Variants in MYOM3 observed in about 807,000 individuals in gnomAD.
The protein encoded by MYOM3 is myomesin-3.
A neutral mutation model predicts 191.7 loss-of-function variants in MYOM3; 155 were observed. That is an observed-to-expected ratio of 0.81 (90% CI 0.71 to 0.92). MYOM3 has a LOEUF of 0.92. MYOM3 is among the 40% of genes least tolerant of loss of function. MYOM3 has a pLI of 0.00. For synonymous variants in MYOM3, 757 were observed against 762.9 expected (o/e 0.99, Z 0.13); for missense variants, 1,889 against 1,890.6 (o/e 1.00, Z 0.02).
In MYOM3 at chr1:24,068,355, T is replaced by C; in HGVS notation, c.3163A>G (p.Asn1055Asp). ...ACCAGGCCCTTCTCTCGGTCAAAAT[T>C]GATTTTGCGGTTCTGAAAAGGACAA... is the stretch of plus-strand genomic sequence containing the variant. ...EIFSSPNRKI[N>D]FDREKGLVEV... Residue 1055 changes from asparagine to aspartate, a missense_variant, in exon 26 of 37, where the codon AAT becomes GAT. Coordinates refer to ENST00000374434, the MANE Select transcript of MYOM3 (RefSeq NM_152372.4). 6.2e-7 allele frequency: 1 copy of C among 1,614,074 alleles called. No homozygotes were observed. Among genetic ancestry groups the C allele is most frequent in the South Asian group, 1.1e-5 (1 of 91,074 alleles).
chr1:24,082,616 G>C lies in MYOM3; in HGVS notation c.2069C>G (p.Pro690Arg). The change falls in exon 17 of 37, where the codon CCC (proline) becomes CGC (arginine). Residue 690 changes from proline to arginine, a missense_variant. By Grantham distance (103) the Pro-to-Arg change is moderately radical. Transcript: ENST00000374434. ...GVGESSAATE[P>R]IRVKQALATP... ...ACCCAGAGCCTGCTTGACCCTGATG[G>C]GCTCGGTGGCGGCTGAGCTCTCGCC... 6.2e-7 allele frequency: 1 copy of C among 1,610,358 alleles called. No individual in the cohort carries two copies. The highest frequency in any genetic ancestry group is 8.5e-7 in the Non-Finnish European group (1 of 1,178,686).
Position 24,064,058 on chromosome 1 carries a change from T to A in MYOM3, c.3622+14A>T. ...TGCTCCCTCCACAGCCCCTGACCCA[T>A]CGCCAGCTCCTACCGTCACCCGTGA... On this transcript the variant is annotated intron_variant, in intron 30 of 36. Transcript: ENST00000374434. 1 of 1,610,022 alleles carries A rather than the reference T, an allele frequency of 6.2e-7. No homozygotes were observed. The highest frequency in any genetic ancestry group is 1.1e-5 in the South Asian group (1 of 90,926).
rs1264523021 is a variant in MYOM3 at position 24,097,913 on chromosome 1, G to A, written c.745+10C>T. On this transcript the variant is annotated intron_variant, in intron 7 of 36. Coordinates refer to ENST00000374434, the MANE Select transcript of MYOM3 (RefSeq NM_152372.4). The stretch of plus-strand genomic sequence containing the variant: ...GGCCCGGAGTGCCTGTTGGGGTTGG[G>A]AGGACTTACTGCGGACGAGGACTTT... 1 of 1,599,332 alleles carries A rather than the reference G, an allele frequency of 6.3e-7. No homozygotes were observed. Among genetic ancestry groups the A allele is most frequent in the African/African-American group, 1.3e-5 (1 of 74,600 alleles).
At chr1:24,092,376 T>G in intron 10 of MYOM3, 61 bp from the exon 11 acceptor site, 1 of 1,311,570 alleles carries the variant, frequency 7.6e-7, no homozygotes, top group Non-Finnish European at 9.8e-7. Context: ...GACAGGCCCT[T>G]CCCACTCCCG....
rs759306961 is a variant in MYOM3 at position 24,058,929 on chromosome 1, C to T, written c.4045G>A (p.Asp1349Asn). 4.3e-6 allele frequency: 7 copies of T among 1,610,364 alleles called. No homozygotes were observed. Among genetic ancestry groups the T allele is most frequent in the African/African-American group, 2.7e-5 (2 of 74,902 alleles). ...GGGCTGGGAAGGGTCAGTACCTTAT[C>T]TTCCATGATAGTGGCCACATCCGGC... ...GLPDVATIME[D>N]KTLCLTCIVS... Residue 1349 changes from aspartate to asparagine, a missense_variant, in exon 36 of 37, where the codon GAT becomes AAT. Asp to Asn is a conservative substitution (Grantham distance 23, BLOSUM62 1). Coordinates refer to ENST00000374434, the MANE Select transcript of MYOM3 (RefSeq NM_152372.4).
In MYOM3 at chr1:24,108,169, C is replaced by A. The variant is rs1644000721; in HGVS notation, c.162-96G>T. On this transcript the variant is annotated intron_variant, in intron 2 of 36. Transcript: ENST00000374434. ...ATCTGCCCACCTCAGCCTCAGGGCA[C>A]CAGCAGGCAGGGCTGTGCCTCCCTC... The A allele has an allele frequency of 2.5e-6, 3 of 1,208,000 alleles. No homozygotes were observed. In the Admixed American group the frequency reaches 6.4e-5, roughly 26 times the overall value. 74.8% of individuals were successfully genotyped at this position (1,208,000 alleles called of 1,614,324 possible).
intron 1 of MYOM3, among the ~76,000 whole-genome samples, chr1:24,110,915 C>T (rs921658947): frequency 6.6e-6 from 1 of 152,204 alleles, no homozygotes; most frequent in East Asian, 1.9e-4. Flanking sequence ...GCCCTGGCTC[C>T]AGTGGCTGAG....
intron 17 of MYOM3, 125 bp downstream of exon 17, chr1:24,082,468 G>T: frequency 7.6e-7 from 1 of 1,315,610 alleles, no homozygotes; most frequent in Non-Finnish European, 1.0e-6. Flanking sequence ...GCCAGCTCCA[G>T]TTTCCCTCAG....
intron 35 of MYOM3, among the ~76,000 whole-genome samples, chr1:24,059,560 A>C (rs1019621054): frequency 2.6e-5 from 4 of 152,348 alleles, no homozygotes; most frequent in Non-Finnish European, 5.9e-5. Flanking sequence ...CCTGGAGGTG[A>C]CCATGAGATG....
At chr1:24,110,427 C>T (rs1217255738) in intron 1 of MYOM3, among the ~76,000 whole-genome samples, 1 of 152,054 alleles carries the variant, frequency 6.6e-6, no homozygotes, top group Non-Finnish European at 1.5e-5. Flanking sequence ...AACACAGCAC[C>T]TAGGTGACCA....
intron 2 of MYOM3, 111 bp from the exon 3 acceptor site, chr1:24,108,184 G>A: frequency 9.8e-7 from 1 of 1,019,858 alleles, no homozygotes; most frequent in South Asian, 1.6e-5. Context: ...AGGCAGGGCT[G>A]TGCCTCCCTC....
chr1:24,075,458 C>T lies in MYOM3; in HGVS notation c.2719G>A (p.Val907Ile). Residue 907 changes from valine (V) to isoleucine (I), a missense_variant, in exon 22 of 37, where the codon GTT becomes ATT. Val to Ile is a conservative substitution (Grantham distance 29). Transcript: ENST00000374434. ...ATAAAGCCCTCTTCATCCACACCAA[C>T]CTCGATCTCATGGGCACCTGAGGGC... ...EDKPGAHEIE[V>I]GVDEEGFIYL... The T allele has an allele frequency of 1.3e-6, 2 of 1,580,174 alleles. No homozygotes were observed. The highest frequency in any genetic ancestry group is 1.7e-6 in the Non-Finnish European group (2 of 1,166,228).
At chr1:24,065,201 T>A (rs1218281382) in intron 29 of MYOM3, among the ~76,000 whole-genome samples, 1 of 152,254 alleles carries the variant, frequency 6.6e-6, no homozygotes, top group Non-Finnish European at 1.5e-5. Flanking sequence ...GGCATCAGCC[T>A]GGCCAGGATT....
rs199829180 is a variant in MYOM3, at chr1:24,061,983, C to T, written c.3897G>A (p.Lys1299=). ...GKYTLEIAAG[K]EVRQLSTDLS... is the part of the protein sequence containing the mutation. The stretch of plus-strand genomic sequence containing the variant: ...GATCTGTTGAGAGCTGCCGGACTTC[C>T]TTCCCTGCAGCTATTTCCAGAGTGT... Residue 1299 remains lysine (K), a synonymous_variant, in exon 33 of 37, where the codon AAG becomes AAA. Transcript: ENST00000374434. 3.7e-5 allele frequency: 59 copies of T among 1,614,206 alleles called. No individual in the cohort carries two copies. In the African/African-American group the frequency reaches 6.8e-4, roughly 19 times the overall value.
chr1:24,083,642 C>T (rs905541616), intron 16 of MYOM3: 1 of 152,406 alleles, frequency 6.6e-6, no homozygotes, highest in African/African-American at 2.4e-5. Context: ...GGAGCCTGAA[C>T]TCAGGCCTCC....
Position 24,081,993 on chromosome 1 carries a change from A to G in MYOM3, c.2280+8T>C, listed in dbSNP as rs1643675051. 1 of 1,604,586 alleles carries G rather than the reference A, an allele frequency of 6.2e-7. No individual in the cohort carries two copies. Among genetic ancestry groups the G allele is most frequent in the East Asian group, 2.2e-5 (1 of 44,792 alleles). ...ATGACACAGGCTGGGGCCACCTTCC[A>G]GCCCTACCTTGCAGACCCGGGTGGG... On this transcript the variant is annotated splice_region_variant and intron_variant, in intron 18 of 36. Coordinates refer to ENST00000374434, the MANE Select transcript of MYOM3 (RefSeq NM_152372.4).
intron 16 of MYOM3, 62 bp from the exon 17 acceptor site, chr1:24,082,776 G>A: frequency 6.7e-7 from 1 of 1,499,246 alleles, no homozygotes; most frequent in Non-Finnish European, 8.9e-7. Context: ...TCCCAAACTT[G>A]CTAGAACAAC....
At chr1:24,075,213 A>C (rs557545549) in intron 22 of MYOM3, 106 bp downstream of exon 22, 10 of 1,147,784 alleles carry the variant, frequency 8.7e-6, no homozygotes, top group Non-Finnish European at 1.1e-5. Context: ...CCTTTCAACC[A>C]TCATGGATGG....
In MYOM3 at chr1:24,090,850, T is replaced by G; in HGVS notation, c.1379A>C (p.Lys460Thr). 6.2e-7 allele frequency: 1 copy of G among 1,614,124 alleles called. No individual in the cohort carries two copies. The highest frequency in any genetic ancestry group is 8.5e-7 in the Non-Finnish European group (1 of 1,180,000). Residue 460 changes from lysine (K) to threonine (T), a missense_variant, in exon 12 of 37, where the codon AAG (lysine) becomes ACG (threonine). Coordinates refer to ENST00000374434, the MANE Select transcript of MYOM3 (RefSeq NM_152372.4). Reference sequence around the variant, plus strand: ...ACCCATGACAACCAACTCTGAGGCCTTGGAGGGGACGCTGCTGCCTACCCT... The same window carrying G: ...ACCCATGACAACCAACTCTGAGGCCGTGGAGGGGACGCTGCTGCCTACCCT... ...ISRVGSSVPS[K>T]ASELVVMGDH...
Sources: gnomAD v4.1 joint callset for allele counts (sites outside exome capture counted in the v4.1 genomes callset) on GRCh38, gnomAD v4.1.1 for gene constraint, MANE v1.5 for transcripts, NCBI Gene and HGNC (gene_info 2026-07-23, HGNC 2026-07-21) for gene names.